TMEM131L: variants seen among roughly 807,000 people sequenced by gnomAD.
The protein encoded by TMEM131L is transmembrane 131 like, also known as transmembrane protein 131-like.
In TMEM131L, 54 loss-of-function variants were observed where a neutral mutation model predicts 192.2. The observed-to-expected ratio is 0.28, with a 90% CI of 0.23 to 0.35. The LOEUF (loss-of-function observed/expected upper bound fraction) is 0.35, where lower values mean the gene tolerates loss of function less well. TMEM131L is among the 10% of genes least tolerant of loss of function. TMEM131L has a pLI of 1.00. For synonymous variants in TMEM131L, 701 were observed against 704.9 expected (o/e 0.99, Z 0.09); for missense variants, 1,888 against 1,972.9 (o/e 0.96, Z 0.82).
chr4:153,500,361 C>A (rs1733512603), intron 3 of TMEM131L, among the ~76,000 whole-genome samples: 1 of 152,214 alleles, frequency 6.6e-6, no homozygotes, highest in Admixed American at 6.5e-5. Context: ...CCAGCCTCAG[C>A]CTCCCAAAGT....
intron 7 of TMEM131L, among the ~76,000 whole-genome samples, chr4:153,575,536 C>A (rs1401208379): frequency 6.6e-6 from 1 of 151,396 alleles, no homozygotes; most frequent in Non-Finnish European, 1.5e-5. Flanking sequence ...TTCTGTTTTT[C>A]TACTACCTAG....
chr4:153,593,704 C>A, intron 18 of TMEM131L, 95 bp from the exon 19 acceptor site: 2 of 800,008 alleles, frequency 2.5e-6, no homozygotes, highest in Non-Finnish European at 2.2e-6. Flanking sequence ...ATGTACTCAC[C>A]TATGTATAAA....
At chr4:153,467,876 G>A (rs1166498881) in intron 2 of TMEM131L, among the ~76,000 whole-genome samples, 2 of 152,198 alleles carry the variant, frequency 1.3e-5, no homozygotes, top group African/African-American at 4.8e-5. Context: ...TAGCATCATA[G>A]AGGGTTTATT....
chr4:153,503,517 G>GA (rs1733753580), intron 3 of TMEM131L, among the ~76,000 whole-genome samples: 1 of 151,984 alleles, frequency 6.6e-6, no homozygotes, highest in South Asian at 2.1e-4. Flanking sequence ...AAGATATTTT[G>GA]AAAAAACCTG....
chr4:153,530,670 C>T (rs1173581051), intron 3 of TMEM131L, among the ~76,000 whole-genome samples: 3 of 151,936 alleles, frequency 2.0e-5, no homozygotes, highest in Non-Finnish European at 4.4e-5. Flanking sequence ...TGGAGCATAG[C>T]AAAAAGTGAG....
At chr4:153,532,867 G>A (rs1370082501) in intron 3 of TMEM131L, among the ~76,000 whole-genome samples, 1 of 152,030 alleles carries the variant, frequency 6.6e-6, no homozygotes, top group Non-Finnish European at 1.5e-5. Flanking sequence ...TCAAGTGACA[G>A]ATTTCACTCA....
At chr4:153,596,155 A>G (rs1731422469) in intron 19 of TMEM131L, 103 bp from the exon 20 acceptor site, 2 of 1,334,238 alleles carry the variant, frequency 1.5e-6, no homozygotes, top group Admixed American at 1.9e-5. Context: ...TCAAATCTGG[A>G]CATTAAAAGA....
At chr4:153,609,130 A>T (rs538388792) in intron 25 of TMEM131L, among the ~76,000 whole-genome samples, 1 of 152,326 alleles carries the variant, frequency 6.6e-6, no homozygotes, top group Admixed American at 6.5e-5. Context: ...CCATAAAGAA[A>T]TACCAGAGAC....
chr4:153,494,292 G>A (rs545332073), intron 3 of TMEM131L, among the ~76,000 whole-genome samples: 2 of 152,268 alleles, frequency 1.3e-5, no homozygotes, highest in Admixed American at 1.3e-4. Context: ...TTTACAAGCT[G>A]TATTTACAAT....
chr4:153,574,009 G>A lies in TMEM131L; in HGVS notation c.661-6817G>A, dbSNP rs568270940. ...TATCTCATTTAGCACCCATCATATTGCTGTGAATTCAATAACTTGATTTCA... is the reference window on the plus strand; with the variant it reads ...TATCTCATTTAGCACCCATCATATTACTGTGAATTCAATAACTTGATTTCA... On this transcript the variant is annotated intron_variant, in intron 7 of 34. Transcript: ENST00000409959. Among the ~76,000 whole-genome samples the A allele has an allele frequency of 5.9e-5, 9 of 152,294 alleles. No homozygotes were observed. The South Asian group carries it at 1.9e-3, about 32-fold the overall frequency.
chr4:153,569,027 A>C (rs958626985), intron 7 of TMEM131L, among the ~76,000 whole-genome samples: 4 of 151,852 alleles, frequency 2.6e-5, no homozygotes, highest in Admixed American at 2.0e-4. Flanking sequence ...AAAGAAACCA[A>C]CTCCTCCAAG....
chr4:153,607,000 C>A (rs769388190), intron 25 of TMEM131L, among the ~76,000 whole-genome samples: 11 of 152,064 alleles, frequency 7.2e-5, no homozygotes, highest in Non-Finnish European at 1.3e-4. Flanking sequence ...GGGAAAATAT[C>A]CGAGATGTTA....
At chr4:153,480,427 G>GCTACTCCT (rs1206966850) in intron 3 of TMEM131L, among the ~76,000 whole-genome samples, 4 of 151,338 alleles carry the variant, frequency 2.6e-5, no homozygotes, top group African/African-American at 7.3e-5. Flanking sequence ...GGCTGAGGCA[G>GCTACTCCT]GAGAAGTGCT....
At chr4:153,537,149 C>A (rs1246847763) in intron 3 of TMEM131L, among the ~76,000 whole-genome samples, 1 of 152,202 alleles carries the variant, frequency 6.6e-6, no homozygotes, top group African/African-American at 2.4e-5. Context: ...TCAGTATTAA[C>A]CATCACAGGG....
chr4:153,541,963 C>G (rs1220281259), intron 3 of TMEM131L, among the ~76,000 whole-genome samples: 1 of 152,228 alleles, frequency 6.6e-6, no homozygotes, highest in Non-Finnish European at 1.5e-5. Flanking sequence ...CTGGAGAAGT[C>G]TGGGTCATGG....
Position 153,603,385 on chromosome 4 carries a change from C to A in TMEM131L, c.2722C>A (p.Gln908Lys). 6.2e-7 allele frequency: 1 copy of A among 1,613,968 alleles called. No homozygotes were observed. The highest frequency in any genetic ancestry group is 1.3e-5 in the African/African-American group (1 of 75,026). ...LMEFMKTRQR[Q>K]NASSSSQQNN... is the part of the protein sequence containing the mutation. ...GGAATTCATGAAAACAAGACAGAGG[C>A]AAAATGCTAGCTCCTCTTCACAGCA... Residue 908 changes from glutamine to lysine, a missense_variant, in exon 24 of 35, where the codon CAA (glutamine) becomes AAA (lysine). Physicochemically the swap from Gln to Lys is moderately conservative, Grantham distance 53. Coordinates refer to ENST00000409959, the MANE Select transcript of TMEM131L (RefSeq NM_001131007.2).
At chr4:153,610,445 T>G (rs1261288850) in intron 25 of TMEM131L, among the ~76,000 whole-genome samples, 1 of 152,232 alleles carries the variant, frequency 6.6e-6, no homozygotes, top group Non-Finnish European at 1.5e-5. Flanking sequence ...GTATTCATTT[T>G]GTGACATTTG....
At position 153,636,177 on chromosome 4, in the gene TMEM131L, T is replaced by C. The variant is rs1387400157; in HGVS notation, c.4558-124T>C. ...GGAGTTAAAGCAACCCAGATTTAAA[T>C]TGAGAGTAGTCTAATAACTTCCAAG... On this transcript the variant is annotated intron_variant, in intron 34 of 34. Coordinates refer to ENST00000409959, the MANE Select transcript of TMEM131L (RefSeq NM_001131007.2). The C allele has an allele frequency of 5.2e-6, 5 of 963,756 alleles. No homozygotes were observed. The African/African-American group carries it at 8.2e-5, about 16-fold the overall frequency. The allele number at this position is 963,756 out of a possible 1,614,324, so 59.7% of individuals were successfully genotyped here.
intron 7 of TMEM131L, among the ~76,000 whole-genome samples, chr4:153,571,930 C>A (rs1729613833): frequency 6.6e-6 from 1 of 152,194 alleles, no homozygotes; most frequent in East Asian, 1.9e-4. Context: ...CTTTTAAAAG[C>A]TCCATTTAGC....
Sources: allele counts gnomAD v4.1 joint callset (sites outside exome capture counted in the v4.1 genomes callset), GRCh38; gene constraint gnomAD v4.1.1; transcripts MANE v1.5; gene names NCBI Gene and HGNC (gene_info 2026-07-23, HGNC 2026-07-21).